Variants in CSMD1 observed in about 807,000 individuals in gnomAD.
CSMD1 encodes CUB and sushi domain-containing protein 1.
Under a neutral mutation model 417.5 loss-of-function variants are expected in CSMD1, and 213 were observed. That is an observed-to-expected ratio of 0.51 (90% CI 0.46 to 0.57). The LOEUF (loss-of-function observed/expected upper bound fraction) is 0.57, where lower values mean the gene tolerates loss of function less well. Ranked by LOEUF, CSMD1 falls within the 20% of genes least tolerant of loss-of-function variation. The pLI is 0.00. For synonymous variants in CSMD1, 2,862 were observed against 1,736.8 expected (o/e 1.65, Z -16.11); for missense variants, 6,923 against 4,529.7 (o/e 1.53, Z -15.17).
intron 3 of CSMD1, among the ~76,000 whole-genome samples, chr8:4,213,805 C>A (rs1700069): frequency 1.3e-5 from 2 of 152,096 alleles, no homozygotes; most frequent in Admixed American, 1.3e-4. Flanking sequence ...AACTAACTTG[C>A]ATTGAGAAAG....
intron 3 of CSMD1, among the ~76,000 whole-genome samples, chr8:4,103,761 A>G (rs528903389): frequency 1.1e-4 from 17 of 152,316 alleles, no homozygotes; most frequent in African/African-American, 3.4e-4. Context: ...GAAACTTCTT[A>G]TATTACAAAA....
At chr8:4,142,903 G>T (rs549918174) in intron 3 of CSMD1, among the ~76,000 whole-genome samples, 5 of 150,608 alleles carry the variant, frequency 3.3e-5, no homozygotes, top group East Asian at 3.9e-4. Context: ...CACAATAGGA[G>T]AAATTATTTT....
At chr8:3,541,511 C>A (rs1798437434) in intron 10 of CSMD1, among the ~76,000 whole-genome samples, 1 of 151,452 alleles carries the variant, frequency 6.6e-6, no homozygotes, top group South Asian at 2.1e-4. Context: ...ACCTCCTGCA[C>A]ATCTATTCTG....
chr8:4,263,970 A>G (rs1194588383), intron 3 of CSMD1, among the ~76,000 whole-genome samples: 2 of 152,220 alleles, frequency 1.3e-5, no homozygotes, highest in African/African-American at 2.4e-5. Context: ...CAGAAGAATC[A>G]TAGCCTCAGG....
At chr8:4,464,257 A>G (rs1009523896) in intron 2 of CSMD1, among the ~76,000 whole-genome samples, 8 of 152,026 alleles carry the variant, frequency 5.3e-5, no homozygotes, top group Admixed American at 1.3e-4. Context: ...ATCTTCCTGC[A>G]GTGATTGTAT....
At chr8:4,529,133 C>G (rs1303308640) in intron 2 of CSMD1, among the ~76,000 whole-genome samples, 1 of 152,144 alleles carries the variant, frequency 6.6e-6, no homozygotes, top group East Asian at 1.9e-4. Context: ...AACAGTGATT[C>G]TCAAAGTATG....
chr8:3,714,497 G>A (rs1428903304), intron 6 of CSMD1, among the ~76,000 whole-genome samples: 10 of 138,600 alleles, frequency 7.2e-5, no homozygotes, highest in Non-Finnish European at 1.2e-4. Context: ...CTGAGACAGG[G>A]GATCACATGA....
At chr8:3,770,543 T>C (rs1454968071) in intron 5 of CSMD1, among the ~76,000 whole-genome samples, 1 of 151,584 alleles carries the variant, frequency 6.6e-6, no homozygotes, top group Non-Finnish European at 1.5e-5. Flanking sequence ...AATAAATAAA[T>C]AAAAAGTAAA....
At chr8:4,122,361 T>C (rs1248497015) in intron 3 of CSMD1, among the ~76,000 whole-genome samples, 1 of 152,174 alleles carries the variant, frequency 6.6e-6, no homozygotes, top group Non-Finnish European at 1.5e-5. Context: ...ATTTACTATA[T>C]ACTCAGTGCC....
At chr8:3,709,245 C>T (rs909497798) in intron 6 of CSMD1, among the ~76,000 whole-genome samples, 6 of 151,650 alleles carry the variant, frequency 4.0e-5, no homozygotes, top group African/African-American at 1.2e-4. Context: ...AGCTATCCCA[C>T]ACTTGGCTTT....
intron 12 of CSMD1, among the ~76,000 whole-genome samples, chr8:3,425,065 C>T (rs554586621): frequency 6.6e-6 from 1 of 152,256 alleles, no homozygotes; most frequent in East Asian, 1.9e-4. Context: ...GTTCCAAGTC[C>T]CTGGGCTCAA....
intron 20 of CSMD1, among the ~76,000 whole-genome samples, chr8:3,361,559 G>C (rs980422660): frequency 7.1e-6 from 1 of 141,778 alleles, no homozygotes; most frequent in Admixed American, 7.7e-5. Flanking sequence ...GGCCGAGGCA[G>C]AAGAATCGCT....
At chr8:4,177,093 A>G (rs987676310) in intron 3 of CSMD1, among the ~76,000 whole-genome samples, 2 of 152,212 alleles carry the variant, frequency 1.3e-5, no homozygotes, top group Non-Finnish European at 1.5e-5. Context: ...ATAGACATCT[A>G]CAGAACTCTC....
rs1489310898 is a variant in CSMD1 at position 3,323,387 on chromosome 8, T to C, written c.3632-14884A>G. Among the ~76,000 whole-genome samples the C allele has an allele frequency of 3.9e-5, 6 of 152,188 alleles. No homozygotes were observed. The East Asian group carries it at 9.7e-4, about 25-fold the overall frequency. On this transcript the variant is annotated intron_variant, in intron 23 of 69. Transcript: ENST00000635120. ...TATTTTTACCTTCAATAATCTACCC[T>C]TCCCCATTTTCCCAAGTCACTAATA...
chr8:3,599,032 G>A (rs1801227442), intron 8 of CSMD1, among the ~76,000 whole-genome samples: 1 of 152,102 alleles, frequency 6.6e-6, no homozygotes, highest in African/African-American at 2.4e-5. Flanking sequence ...AGTGAGCAGA[G>A]CTTGCAACAA....
intron 7 of CSMD1, among the ~76,000 whole-genome samples, chr8:3,650,384 T>G (rs1345193006): frequency 6.6e-6 from 1 of 152,058 alleles, no homozygotes; most frequent in Non-Finnish European, 1.5e-5. Context: ...ATGCTTTAAT[T>G]AGGGAAAATT....
At chr8:4,813,979 TCAAC>T (rs963224393) in intron 1 of CSMD1, among the ~76,000 whole-genome samples, 3 of 152,246 alleles carry the variant, frequency 2.0e-5, no homozygotes, top group African/African-American at 7.2e-5. Flanking sequence ...TCATAATTAA[TCAAC>T]AATTGTTGCA....
intron 37 of CSMD1, among the ~76,000 whole-genome samples, chr8:3,167,088 C>T (rs1820270720): frequency 6.6e-6 from 1 of 152,100 alleles, no homozygotes. Context: ...AGTTCCAGAG[C>T]AGCCTGGTCA....
At position 4,519,742 on chromosome 8, in the gene CSMD1, C is replaced by CAAAAAAAAAAAAAAAAAAAAAAAAAAA. The variant is rs57747377; in HGVS notation, c.303-99704_303-99678dup. ...TAGGCAGCAGAGTCAGACTTCATCT[C>CAAAAAAAAAAAAAAAAAAAAAAAAAAA]AAAAAAAAAAAAAAAAAAAAAAAAA... On this transcript the variant is annotated intron_variant, in intron 2 of 69. Coordinates refer to ENST00000635120, the MANE Select transcript of CSMD1 (RefSeq NM_033225.6). 6.2e-5 allele frequency among the ~76,000 whole-genome samples: 5 copies of CAAAAAAAAAAAAAAAAAAAAAAAAAAA among 80,392 alleles called. 1 individual carries two copies. The highest frequency in any genetic ancestry group is 2.1e-4 in the African/African-American group (4 of 19,104). The allele number at this position is 80,392 out of a possible 152,430, so 52.7% of individuals were successfully genotyped here. A position where few individuals can be genotyped will look rare whatever the true frequency, so the allele number is the denominator to read the frequency against.
Sources: gnomAD v4.1 joint callset for allele counts (sites outside exome capture counted in the v4.1 genomes callset) on GRCh38, gnomAD v4.1.1 for gene constraint, MANE v1.5 for transcripts, NCBI Gene and HGNC (gene_info 2026-07-23, HGNC 2026-07-21) for gene names.